The following TMEM51 variants were observed in gnomAD, a reference collection of about 807,000 sequenced individuals.
The protein encoded by TMEM51 is chromosome 1 open reading frame 72.
Under a neutral mutation model 13.6 loss-of-function variants are expected in TMEM51, and 8 were observed. That is an observed-to-expected ratio of 0.59 (90% CI 0.35 to 1.07). The LOEUF (loss-of-function observed/expected upper bound fraction) is 1.07. TMEM51 is among the 50% of genes least tolerant of loss of function. TMEM51 has a pLI of 0.02. For synonymous variants in TMEM51, 147 were observed against 144.4 expected (o/e 1.02, Z -0.13); for missense variants, 279 against 330.7 (o/e 0.84, Z 1.21).
At chr1:15,217,023 A>G (rs1330956594) in intron 3 of TMEM51, among the ~76,000 whole-genome samples, 1 of 152,192 alleles carries the variant, frequency 6.6e-6, no homozygotes. Context: ...TTATCTTTAT[A>G]GTGGGAAGGG....
chr1:15,171,106 CCCCCCGCCACAT>C, intron 1 of TMEM51: 1 of 854,990 alleles, frequency 1.2e-6, no homozygotes, highest in Non-Finnish European at 1.7e-6. Flanking sequence ...TCCTCCTCCA[CCCCCCGCCACAT>C]CCCCCACCCC....
At chr1:15,195,964 C>A (rs900539811) in intron 1 of TMEM51, among the ~76,000 whole-genome samples, 1 of 152,198 alleles carries the variant, frequency 6.6e-6, no homozygotes, top group African/African-American at 2.4e-5. Context: ...CCTGCAACTC[C>A]GTGGCTTACT....
At chr1:15,193,901 G>A (rs1438342805) in intron 1 of TMEM51, among the ~76,000 whole-genome samples, 3 of 152,128 alleles carry the variant, frequency 2.0e-5, no homozygotes, top group East Asian at 1.9e-4. Context: ...GCATTGCCAG[G>A]GGTGTACAGA....
chr1:15,204,888 G>A (rs1007480587), intron 1 of TMEM51, among the ~76,000 whole-genome samples: 1 of 152,068 alleles, frequency 6.6e-6, no homozygotes, highest in Non-Finnish European at 1.5e-5. Flanking sequence ...AGCCTTGTTT[G>A]CCAGGGTCGG....
chr1:15,196,779 A>C (rs1254919499), intron 1 of TMEM51, among the ~76,000 whole-genome samples: 1 of 152,254 alleles, frequency 6.6e-6, no homozygotes, highest in African/African-American at 2.4e-5. Context: ...AAGTATGTGC[A>C]TTAAACAACA....
chr1:15,219,662 T>A lies in TMEM51; in HGVS notation c.681T>A (p.Pro227=). 1 of 1,613,896 alleles carries A rather than the reference T, an allele frequency of 6.2e-7. No homozygotes were observed. Among genetic ancestry groups the A allele is most frequent in the East Asian group, 2.2e-5 (1 of 44,878 alleles). ...ACCTCCCAGACAAAAACGTCCCTCCTCCCTCGATAGAGCCTTTGACTCCTC... is the reference window on the plus strand; with the variant it reads ...ACCTCCCAGACAAAAACGTCCCTCCACCCTCGATAGAGCCTTTGACTCCTC... ...RINLPDKNVP[P]PSIEPLTPPP... is the part of the protein sequence containing the mutation. The change falls in exon 4 of 4, where the codon CCT becomes CCA. Residue 227 remains proline, a synonymous_variant. Transcript: ENST00000376008.
At position 15,161,705 on chromosome 1, in the gene TMEM51, G is replaced by A. The variant is rs1034526102; in HGVS notation, c.-267+7751G>A. On this transcript the variant is annotated intron_variant, in intron 1 of 3. Coordinates refer to ENST00000376008, the MANE Select transcript of TMEM51 (RefSeq NM_001136218.2). This position sits in a 1 kb window ranked among gnomAD's most constrained non-coding sequence, Gnocchi z 4.0. ...GGTAATCCCAGCACTTTGGGAAACC[G>A]AGGCAGGCAGATCACGAGATCGAGA... is the stretch of plus-strand genomic sequence containing the variant. 3.9e-5 allele frequency among the ~76,000 whole-genome samples: 6 copies of A among 151,912 alleles called. No individual in the cohort carries two copies. Among genetic ancestry groups the A allele is most frequent in the African/African-American group, 7.3e-5 (3 of 41,234 alleles).
At chr1:15,173,881 A>C (rs189848238) in intron 1 of TMEM51, among the ~76,000 whole-genome samples, 19 of 152,336 alleles carry the variant, frequency 1.2e-4, no homozygotes, top group Non-Finnish European at 2.1e-4. Context: ...TGTGGTCTGC[A>C]TGAGTAGAAC....
upstream of TMEM51, chr1:15,152,659 C>T (rs1642435573): frequency 6.6e-6 from 1 of 152,264 alleles, no homozygotes; most frequent in South Asian, 2.1e-4. Flanking sequence ...TGGGAGCTGG[C>T]TCTTCCCTCT....
intron 1 of TMEM51, among the ~76,000 whole-genome samples, chr1:15,167,326 CAAAAAAAAAAAAAAAAAAAA>C (rs555274126): frequency 5.8e-5 from 4 of 69,446 alleles, no homozygotes; most frequent in African/African-American, 1.0e-4. Context: ...GACTCCATCT[CAAAAAAAAAAAAAAAAAAAA>C]AAAAAAAAAA....
intron 1 of TMEM51, among the ~76,000 whole-genome samples, chr1:15,159,348 G>A (rs376244977): frequency 1.3e-3 from 194 of 152,216 alleles, no homozygotes; most frequent in African/African-American, 4.3e-3. Context: ...CTCCACAAAT[G>A]AGCGACTCAA....
intron 3 of TMEM51, among the ~76,000 whole-genome samples, chr1:15,215,756 G>C (rs1302483091): frequency 6.6e-6 from 1 of 152,224 alleles, no homozygotes; most frequent in Non-Finnish European, 1.5e-5. Flanking sequence ...GCCAGGTGCA[G>C]TGGCTCACTC....
At chr1:15,164,742 A>T (rs759023853) in intron 1 of TMEM51, among the ~76,000 whole-genome samples, 1 of 151,868 alleles carries the variant, frequency 6.6e-6, no homozygotes, top group Non-Finnish European at 1.5e-5. Flanking sequence ...AATATTTGCA[A>T]CACAGAACAG....
At chr1:15,211,957 T>G (rs1644347644) in intron 2 of TMEM51, among the ~76,000 whole-genome samples, 1 of 152,082 alleles carries the variant, frequency 6.6e-6, no homozygotes, top group Non-Finnish European at 1.5e-5. Flanking sequence ...TTTTAAAAAT[T>G]AGAATCACGC....
At chr1:15,178,686 A>C (rs1454323905) in intron 1 of TMEM51, among the ~76,000 whole-genome samples, 1 of 152,182 alleles carries the variant, frequency 6.6e-6, no homozygotes, top group Non-Finnish European at 1.5e-5. Context: ...TGAGGCTCAG[A>C]AAGTTGAAGC....
Position 15,206,435 on chromosome 1 carries a change from T to G in TMEM51, c.-266-4055T>G, listed in dbSNP as rs1644251876. ...CCTGAAACACCTCTGGGAACCTCGG[T>G]GCCTTGCCCAGAAAGTGGCCCCCAG... On this transcript the variant is annotated intron_variant, in intron 1 of 3. Coordinates refer to ENST00000376008, the MANE Select transcript of TMEM51 (RefSeq NM_001136218.2). 2.6e-5 allele frequency among the ~76,000 whole-genome samples: 4 copies of G among 152,256 alleles called. No homozygotes were observed. The South Asian group carries it at 8.3e-4, about 32-fold the overall frequency.
intron 1 of TMEM51, among the ~76,000 whole-genome samples, chr1:15,191,081 C>A (rs1643912197): frequency 6.6e-6 from 1 of 152,212 alleles, no homozygotes; most frequent in African/African-American, 2.4e-5. Context: ...GCCACTGCTC[C>A]CGGCCCCACA....
At chr1:15,191,066 C>A (rs965608137) in intron 1 of TMEM51, among the ~76,000 whole-genome samples, 4 of 152,316 alleles carry the variant, frequency 2.6e-5, no homozygotes, top group South Asian at 2.1e-4. Context: ...GGATTACAGG[C>A]GTGAGCCACT....
Position 15,219,497 on chromosome 1 carries a change from C to G in TMEM51, c.516C>G (p.Pro172=). 7.4e-6 allele frequency: 12 copies of G among 1,614,110 alleles called. No individual in the cohort carries two copies. Among genetic ancestry groups the G allele is most frequent in the Non-Finnish European group, 1.0e-5 (12 of 1,180,032 alleles). ...TGACGGGGCTCGACGAGACCACCCC[C>G]ACATCCACCAGGGCTGACGTGGAGG... ...ESLTGLDETT[P]TSTRADVEAS... Residue 172 remains proline (P), a synonymous_variant, in exon 4 of 4, where the codon CCC becomes CCG. Transcript: ENST00000376008.
Sources: allele counts gnomAD v4.1 joint callset (sites outside exome capture counted in the v4.1 genomes callset), GRCh38; gene constraint gnomAD v4.1.1; non-coding constraint Gnocchi (gnomAD v3.1); transcripts MANE v1.5; gene names NCBI Gene and HGNC (gene_info 2026-07-23, HGNC 2026-07-21).